Variants in MAGI2 observed in about 807,000 individuals in gnomAD.
MAGI2 encodes the protein membrane associated guanylate kinase, WW and PDZ domain containing 2, also known as membrane-associated guanylate kinase, WW and PDZ domain-containing protein 2.
MAGI2 carries 35 observed loss-of-function variants against 133.3 expected under a neutral mutation model. The ratio of observed to expected loss-of-function variants is 0.26; its 90% confidence interval spans 0.20 to 0.35. The LOEUF is 0.35. Ranked by LOEUF, MAGI2 falls within the 10% of genes least tolerant of loss-of-function variation. The pLI, the probability that MAGI2 is intolerant of heterozygous loss-of-function variation, is 1.00. For missense variants in MAGI2, 1,636 were observed against 1,863.4 expected (o/e 0.88, Z 2.25); for synonymous variants, 729 against 710.6 (o/e 1.03, Z -0.41).
chr7:78,807,656 C>T (rs1424772042), intron 2 of MAGI2, among the ~76,000 whole-genome samples: 1 of 152,074 alleles, frequency 6.6e-6, no homozygotes, highest in African/African-American at 2.4e-5. Flanking sequence ...CTTATTTTTG[C>T]CCTTAAGGCA....
chr7:78,061,739 T>G (rs1263242532), intron 21 of MAGI2, among the ~76,000 whole-genome samples: 1 of 151,296 alleles, frequency 6.6e-6, no homozygotes, highest in Non-Finnish European at 1.5e-5. Context: ...AAGGAAAGGG[T>G]GGGGAGGGCT....
intron 1 of MAGI2, among the ~76,000 whole-genome samples, chr7:79,044,233 T>C (rs1269023529): frequency 6.6e-6 from 1 of 152,200 alleles, no homozygotes; most frequent in Non-Finnish European, 1.5e-5. Flanking sequence ...TAATTTACCA[T>C]GATCAAGTGG....
intron 6 of MAGI2, among the ~76,000 whole-genome samples, chr7:78,403,067 T>G (rs1340990458): frequency 6.6e-6 from 1 of 152,246 alleles, no homozygotes; most frequent in African/African-American, 2.4e-5. Context: ...TTGTTACATA[T>G]GTATACACGT....
intron 1 of MAGI2, among the ~76,000 whole-genome samples, chr7:79,276,473 G>T (rs558753377): frequency 1.2e-4 from 18 of 152,260 alleles, no homozygotes; most frequent in African/African-American, 4.3e-4. Flanking sequence ...TCAGATGATT[G>T]TTAGAATTTT....
At chr7:79,365,834 TG>T (rs1464460852) in intron 1 of MAGI2, among the ~76,000 whole-genome samples, 1 of 111,362 alleles carries the variant, frequency 9.0e-6, no homozygotes, top group Non-Finnish European at 1.7e-5. Flanking sequence ...CACTCCAGCC[TG>T]GGTGATGGGT....
At chr7:78,813,743 G>A (rs1303186416) in intron 2 of MAGI2, among the ~76,000 whole-genome samples, 14 of 135,496 alleles carry the variant, frequency 1.0e-4, no homozygotes, top group Admixed American at 8.4e-4. Flanking sequence ...CTGAGATCGC[G>A]CCACTGAACT....
intron 20 of MAGI2, 54 bp from the exon 21 acceptor site, chr7:78,079,139 T>C: frequency 1.3e-6 from 2 of 1,542,432 alleles, no homozygotes; most frequent in Non-Finnish European, 1.8e-6. Context: ...TCAAGTTGCA[T>C]TGTCAACAGA....
At chr7:78,616,422 C>A (rs908817550) in intron 3 of MAGI2, 1 of 151,248 alleles carries the variant, frequency 6.6e-6, no homozygotes, top group Non-Finnish European at 1.5e-5. Flanking sequence ...TAGTAAAATA[C>A]ATAGAACTTT....
intron 18 of MAGI2, among the ~76,000 whole-genome samples, chr7:78,129,935 C>CAAA (rs61675652): frequency 0.014 from 792 of 56,520 alleles, 8 homozygotes; most frequent in Middle Eastern, 0.023. Flanking sequence ...AACTCCGCCT[C>CAAA]AAAAAAAAAA....
intron 20 of MAGI2, among the ~76,000 whole-genome samples, chr7:78,106,400 C>G (rs573300800): frequency 6.6e-5 from 10 of 152,046 alleles, no homozygotes; most frequent in African/African-American, 2.4e-4. Context: ...TCATATAGTT[C>G]TACTTTTAGG....
intron 10 of MAGI2, among the ~76,000 whole-genome samples, chr7:78,218,131 A>G (rs1788448135): frequency 1.3e-5 from 2 of 152,324 alleles, no homozygotes; most frequent in South Asian, 4.1e-4. Flanking sequence ...AGAATATTTT[A>G]TTGCTCTATT....
At chr7:78,782,539 C>T (rs1826482361) in intron 2 of MAGI2, among the ~76,000 whole-genome samples, 1 of 152,050 alleles carries the variant, frequency 6.6e-6, no homozygotes, top group Admixed American at 6.5e-5. Context: ...ACTGAACCCT[C>T]TAGCTGAAGT....
chr7:78,804,613 G>C (rs1788361763), intron 2 of MAGI2, among the ~76,000 whole-genome samples: 1 of 151,648 alleles, frequency 6.6e-6, no homozygotes, highest in African/African-American at 2.4e-5. Context: ...GCCGGGCATG[G>C]TGGCGGGCGC....
At chr7:78,765,343 C>CTTTTTTTTTTTTTTTT (rs10672746) in intron 2 of MAGI2, among the ~76,000 whole-genome samples, 2 of 89,056 alleles carry the variant, frequency 2.2e-5, no homozygotes, top group African/African-American at 4.7e-5. Flanking sequence ...TAGTGCACAT[C>CTTTTTTTTTTTTTTTT]TTTTTTTTTT....
intron 2 of MAGI2, among the ~76,000 whole-genome samples, chr7:78,980,288 C>G (rs1804666558): frequency 6.6e-6 from 1 of 151,746 alleles, no homozygotes; most frequent in Non-Finnish European, 1.5e-5. Flanking sequence ...TAAAAATCAG[C>G]TATAATTATT....
intron 1 of MAGI2, among the ~76,000 whole-genome samples, chr7:79,113,116 C>T (rs1819074076): frequency 6.6e-6 from 1 of 152,136 alleles, no homozygotes; most frequent in East Asian, 1.9e-4. Context: ...AACACTTTAT[C>T]TTTTGTGCTT....
chr7:79,111,325 T>G (rs149360583), intron 1 of MAGI2, among the ~76,000 whole-genome samples: 3 of 152,226 alleles, frequency 2.0e-5, no homozygotes, highest in Non-Finnish European at 4.4e-5. Context: ...TTGTGTTCTC[T>G]TGACAAGCCT....
At chr7:78,319,243 A>G (rs1360288375) in intron 9 of MAGI2, among the ~76,000 whole-genome samples, 1 of 152,240 alleles carries the variant, frequency 6.6e-6, no homozygotes, top group Non-Finnish European at 1.5e-5. Context: ...AAAGACACAC[A>G]TAGGCTCAAA....
chr7:79,168,147 T>C (rs1825128039), intron 1 of MAGI2, among the ~76,000 whole-genome samples: 1 of 152,098 alleles, frequency 6.6e-6, no homozygotes, highest in Non-Finnish European at 1.5e-5. Context: ...TAAATCTCTG[T>C]TCGGGGCTCT....
Sources: gnomAD v4.1 joint callset for allele counts (sites outside exome capture counted in the v4.1 genomes callset) on GRCh38, gnomAD v4.1.1 for gene constraint, MANE v1.5 for transcripts, NCBI Gene and HGNC (gene_info 2026-07-23, HGNC 2026-07-21) for gene names.